DAZAP2: variants seen among roughly 807,000 people sequenced by gnomAD.
DAZAP2 encodes DAZ-associated protein 2.
In DAZAP2, 3 loss-of-function variants were observed where a neutral mutation model predicts 16.2. That is an observed-to-expected ratio of 0.19 (90% CI 0.08 to 0.48). The LOEUF (loss-of-function observed/expected upper bound fraction) is 0.48, where lower values mean the gene tolerates loss of function less well. DAZAP2 is among the 20% of genes least tolerant of loss of function. DAZAP2 has a pLI of 0.98. For synonymous variants in DAZAP2, 69 were observed against 77.6 expected (o/e 0.89, Z 0.58); for missense variants, 172 against 215.9 (o/e 0.80, Z 1.27).
chr12:51,239,104 C>CG, intron 1 of DAZAP2, 184 bp downstream of exon 1: 1 of 820,220 alleles, frequency 1.2e-6, no homozygotes, highest in Non-Finnish European at 1.8e-6. Context: ...AGCTTGCTGC[C>CG]TCCAGGCCCT....
In DAZAP2 at chr12:51,242,508, C is replaced by G. The variant is rs1442851717; in HGVS notation, c.*50C>G. 5 of 1,613,626 alleles carry G rather than the reference C, an allele frequency of 3.1e-6. No homozygotes were observed. The highest frequency in any genetic ancestry group is 3.4e-6 in the Non-Finnish European group (4 of 1,180,038). On this transcript the variant is annotated 3_prime_UTR_variant, in exon 4 of 4. Transcript: ENST00000412716. ...GGAAAGACATCACATACCTTCAGCA[C>G]TTCTCACAATGTAACTGCTTTAGTC...
intron 2 of DAZAP2, 170 bp from the exon 3 acceptor site, chr12:51,240,701 C>A: frequency 1.0e-6 from 1 of 966,872 alleles, no homozygotes; most frequent in Non-Finnish European, 1.5e-6. Flanking sequence ...CCAACATTAG[C>A]TATAGCAGAA....
In DAZAP2 at chr12:51,243,417, C is replaced by T. The variant is rs752549380; in HGVS notation, c.*959C>T. On this transcript the variant is annotated 3_prime_UTR_variant, in exon 4 of 4. Coordinates refer to ENST00000412716, the MANE Select transcript of DAZAP2 (RefSeq NM_014764.4). ...CCATTTTTTGTCAGAGTGTCTGATG[C>T]GGCCACTCATTCGGCTCCCCAGAAT... 202 of 985,592 alleles carry T rather than the reference C, an allele frequency of 2.0e-4. No individual in the cohort carries two copies. Among genetic ancestry groups the T allele is most frequent in the Non-Finnish European group, 2.3e-4 (195 of 829,930 alleles). 61.1% of individuals were successfully genotyped at this position (985,592 alleles called of 1,614,324 possible).
At chr12:51,238,963 TGGCCCAGAGCGAGC>T in intron 1 of DAZAP2, 43 bp downstream of exon 1, 3 of 1,609,414 alleles carry the variant, frequency 1.9e-6, no homozygotes, top group Non-Finnish European at 2.5e-6. Context: ...GGAGTACTGC[TGGCCCAGAGCGAGC>T]GGATTCGGAG....
chr12:51,241,902 C>T (rs1944683917), intron 3 of DAZAP2, among the ~76,000 whole-genome samples: 1 of 148,642 alleles, frequency 6.7e-6, no homozygotes, highest in Non-Finnish European at 1.5e-5. Context: ...GCCTGGGCGA[C>T]AAGAGCAAGA....
At chr12:51,244,133 C>T (rs1480347660), downstream of DAZAP2, among the ~76,000 whole-genome samples, 3 of 152,128 alleles carry the variant, frequency 2.0e-5, no homozygotes, top group Admixed American at 1.3e-4. Flanking sequence ...TTTAGTTTCT[C>T]CAATGTTCTA....
chr12:51,243,999 A>C (rs188358031), downstream of DAZAP2: 149 of 913,304 alleles, frequency 1.6e-4, no homozygotes, highest in Non-Finnish European at 5.8e-5. Context: ...CCAACCTCTT[A>C]CAAATTTTGG....
In DAZAP2 at chr12:51,243,678, A is replaced by ATG. The variant is rs2137289080; in HGVS notation, c.*1222_*1223dup. ...GACTGTTATGGAAGTTCAGCGTTGT[A>ATG]TGTCTCTCTCTACACTGTGGTGCAC... On this transcript the variant is annotated 3_prime_UTR_variant, in exon 4 of 4. Coordinates refer to ENST00000412716, the MANE Select transcript of DAZAP2 (RefSeq NM_014764.4). 1 of 985,756 alleles carries ATG rather than the reference A, an allele frequency of 1.0e-6. No homozygotes were observed. The highest frequency in any genetic ancestry group is 1.1e-4 in the East Asian group (1 of 8,818). The allele number at this position is 985,756 out of a possible 1,614,324, so 61.1% of individuals were successfully genotyped here.
rs895691390 is a variant in DAZAP2, at chr12:51,243,840, T to G, written c.*1382T>G. On this transcript the variant is annotated 3_prime_UTR_variant, in exon 4 of 4. Coordinates refer to ENST00000412716, the MANE Select transcript of DAZAP2 (RefSeq NM_014764.4). ...GTTTTTAGATTTCTTCTATATATAT[T>G]TTATTTATATCCCATCTAGAATTCA... 9.1e-6 allele frequency: 9 copies of G among 984,756 alleles called. No homozygotes were observed. The highest frequency in any genetic ancestry group is 6.0e-6 in the Non-Finnish European group (5 of 829,386). 61.0% of individuals were successfully genotyped at this position (984,756 alleles called of 1,614,324 possible).
At chr12:51,245,794 G>A (rs951128486), downstream of DAZAP2, 26 of 822,700 alleles carry the variant, frequency 3.2e-5, no homozygotes, top group African/African-American at 8.7e-5. Flanking sequence ...CAGTGATGTC[G>A]GCATTTGGGA....
At chr12:51,241,546 A>G (rs1255943270) in intron 3 of DAZAP2, among the ~76,000 whole-genome samples, 1 of 152,060 alleles carries the variant, frequency 6.6e-6, no homozygotes, top group East Asian at 1.9e-4. Flanking sequence ...TTTAGTTATC[A>G]TTTTTTCCTA....
At chr12:51,239,305 T>C in intron 1 of DAZAP2, 2 of 228,696 alleles carry the variant, frequency 8.7e-6, no homozygotes, top group South Asian at 5.9e-5. Flanking sequence ...ACTGAATTGC[T>C]GGAGTTGGTT....
intron 2 of DAZAP2, 50 bp from the exon 3 acceptor site, chr12:51,240,821 A>G: frequency 6.3e-7 from 1 of 1,592,374 alleles, no homozygotes; most frequent in Non-Finnish European, 8.6e-7. Flanking sequence ...AGAGATCTCA[A>G]ATAGGAATGT....
intron 1 of DAZAP2, chr12:51,239,772 T>G (rs971186912): frequency 2.6e-5 from 4 of 153,484 alleles, no homozygotes; most frequent in African/African-American, 9.7e-5. Flanking sequence ...AGAGCGAGAC[T>G]CCGTCTCAGA....
chr12:51,246,604 CTGTGTGTGTG>C (rs59561227), downstream of DAZAP2: 75 of 338,216 alleles, frequency 2.2e-4, no homozygotes, highest in Middle Eastern at 1.6e-3. Context: ...TCTTTTATGG[CTGTGTGTGTG>C]TGTGTGTGTG....
chr12:51,239,836 T>G (rs1944637017), intron 1 of DAZAP2: 1 of 155,452 alleles, frequency 6.4e-6, no homozygotes, highest in Non-Finnish European at 1.4e-5. Flanking sequence ...ATATTCCTCC[T>G]CACCCCTCAG....
chr12:51,240,134 C>G, intron 1 of DAZAP2: 2 of 575,598 alleles, frequency 3.5e-6, no homozygotes, highest in Admixed American at 6.0e-5. Context: ...TGAGCAGTGC[C>G]TTTCTTGTCT....
Position 51,243,201 on chromosome 12 carries a change from C to T in DAZAP2, c.*743C>T. ...CCTCCTCATAGGTTGTCTCTGCATA[C>T]ACGAACCTAACCCAAATTTGCTTTG... is the stretch of plus-strand genomic sequence containing the variant. On this transcript the variant is annotated 3_prime_UTR_variant, in exon 4 of 4. Coordinates refer to ENST00000412716, the MANE Select transcript of DAZAP2 (RefSeq NM_014764.4). 3.0e-6 allele frequency: 3 copies of T among 985,910 alleles called. No homozygotes were observed. Among genetic ancestry groups the T allele is most frequent in the Non-Finnish European group, 3.6e-6 (3 of 830,024 alleles). 61.1% of individuals were successfully genotyped at this position (985,910 alleles called of 1,614,324 possible). A position where few individuals can be genotyped will look rare whatever the true frequency, so the allele number is the denominator to read the frequency against.
At chr12:51,243,971 A>C (rs560043872), downstream of DAZAP2, 123 of 966,716 alleles carry the variant, frequency 1.3e-4, no homozygotes, top group African/African-American at 2.0e-3. Flanking sequence ...CAGATGTTCA[A>C]CTTTTCATCA....
Sources: allele counts gnomAD v4.1 joint callset (sites outside exome capture counted in the v4.1 genomes callset), GRCh38; gene constraint gnomAD v4.1.1; transcripts MANE v1.5; gene names NCBI Gene and HGNC (gene_info 2026-07-23, HGNC 2026-07-21).